MAP4K2: variants seen among roughly 807,000 people sequenced by gnomAD.
MAP4K2 encodes the protein mitogen-activated protein kinase kinase kinase kinase 2.
Under a neutral mutation model 125.3 loss-of-function variants are expected in MAP4K2, and 85 were observed. The ratio of observed to expected loss-of-function variants is 0.68; its 90% CI spans 0.57 to 0.81. MAP4K2 has a LOEUF of 0.81. MAP4K2 is among the 40% of genes least tolerant of loss of function. MAP4K2 has a pLI of 0.00. For missense variants in MAP4K2, 923 were observed against 1,056.4 expected (o/e 0.87, Z 1.75); for synonymous variants, 479 against 445.1 (o/e 1.08, Z -0.96).
chr11:64,786,832 A>G lies in MAP4K2; in HGVS notation c.*2705T>C, dbSNP rs569475476. On this transcript the variant is annotated 3_prime_UTR_variant, in exon 32 of 32. Transcript: ENST00000294066. ...GTAAAAACAACTCAAATTTCCACCA[A>G]TAGGGATCTCACTGCAGGTCATTAA... 1.3e-5 allele frequency: 2 copies of G among 152,148 alleles called. No individual in the cohort carries two copies. The highest frequency in any genetic ancestry group is 3.9e-4 in the East Asian group (2 of 5,184). The allele number at this position is 152,148 out of a possible 1,614,324, so 9.4% of individuals were successfully genotyped here. A position where few individuals can be genotyped will look rare whatever the true frequency, so the allele number is the denominator to read the frequency against.
chr11:64,795,620 T>C (rs1443579447), intron 24 of MAP4K2, among the ~76,000 whole-genome samples: 1 of 152,146 alleles, frequency 6.6e-6, no homozygotes, highest in African/African-American at 2.4e-5. Context: ...GCCAGGATAG[T>C]CTCCATCTCC....
chr11:64,787,338 A>T lies in MAP4K2; in HGVS notation c.*2199T>A, dbSNP rs1013001445. 2.6e-5 allele frequency: 4 copies of T among 152,020 alleles called. No individual in the cohort carries two copies. Among genetic ancestry groups the T allele is most frequent in the African/African-American group, 9.7e-5 (4 of 41,392 alleles). 9.4% of individuals were successfully genotyped at this position (152,020 alleles called of 1,614,324 possible). A position where few individuals can be genotyped will look rare whatever the true frequency, so the allele number is the denominator to read the frequency against. ...GCCACCACACCTGGCCCCCCAGGATATATTTTTAAAGGGCAAGGTCAGTAC... is the reference window on the plus strand; with the variant it reads ...GCCACCACACCTGGCCCCCCAGGATTTATTTTTAAAGGGCAAGGTCAGTAC... On this transcript the variant is annotated 3_prime_UTR_variant, in exon 32 of 32. Transcript: ENST00000294066.
rs1354724275 is a variant in MAP4K2, at chr11:64,789,362, C to T, written c.*175G>A. 1.3e-5 allele frequency: 8 copies of T among 618,810 alleles called. No individual in the cohort carries two copies. The highest frequency in any genetic ancestry group is 4.3e-4 in the Middle Eastern group (1 of 2,332). 38.3% of individuals were successfully genotyped at this position (618,810 alleles called of 1,614,324 possible). On this transcript the variant is annotated 3_prime_UTR_variant, in exon 32 of 32. Coordinates refer to ENST00000294066, the MANE Select transcript of MAP4K2 (RefSeq NM_004579.5). ...CCTGGTCCAGTTATTGCAGAGGCGTCGGGGGCTCCCCTCCCTCCCCAGGCC... is the reference window on the plus strand; with the variant it reads ...CCTGGTCCAGTTATTGCAGAGGCGTTGGGGGCTCCCCTCCCTCCCCAGGCC...
Position 64,786,532 on chromosome 11 carries a change from G to A in MAP4K2, c.*3005C>T, listed in dbSNP as rs757139009. On this transcript the variant is annotated 3_prime_UTR_variant, in exon 32 of 32. Transcript: ENST00000294066. ...TGCTCCCCTTGACTTTCACCAGGAT[G>A]ACTCCGGGTATGGGCCAGTTACCTG... 7 of 152,228 alleles carry A rather than the reference G, an allele frequency of 4.6e-5. No homozygotes were observed. Among genetic ancestry groups the A allele is most frequent in the Non-Finnish European group, 1.0e-4 (7 of 68,058 alleles). 9.4% of individuals were successfully genotyped at this position (152,228 alleles called of 1,614,324 possible). A position where few individuals can be genotyped will look rare whatever the true frequency, so the allele number is the denominator to read the frequency against.
Position 64,796,399 on chromosome 11 carries a change from A to G in MAP4K2, c.1634-9T>C, listed in dbSNP as rs775701076. ...GATGTGCGTGGATTTCCCTGCAGAA[A>G]CAGGAAGAGGCCAGGCCTGGGGTGT... is the stretch of plus-strand genomic sequence containing the variant. On this transcript the variant is annotated splice_polypyrimidine_tract_variant and intron_variant, in intron 23 of 31. Transcript: ENST00000294066. 6.2e-7 allele frequency: 1 copy of G among 1,611,634 alleles called. No homozygotes were observed. The highest frequency in any genetic ancestry group is 1.7e-5 in the Admixed American group (1 of 59,816).
At chr11:64,800,576 T>C (rs1016538034) in intron 10 of MAP4K2, among the ~76,000 whole-genome samples, 184 bp from the exon 11 acceptor site, 1 of 152,170 alleles carries the variant, frequency 6.6e-6, no homozygotes, top group Non-Finnish European at 1.5e-5. Context: ...CCACCAACCC[T>C]CTGCCCTTCT....
chr11:64,796,957 T>C (rs377743167), intron 20 of MAP4K2, 25 bp downstream of exon 20: 4 of 1,613,712 alleles, frequency 2.5e-6, no homozygotes, highest in East Asian at 2.2e-5. Context: ...GCTGTGGGAC[T>C]GCAGGGCTTG....
chr11:64,800,264 C>T (rs754567633), intron 11 of MAP4K2, 47 bp downstream of exon 11: 26 of 1,612,364 alleles, frequency 1.6e-5, no homozygotes, highest in Non-Finnish European at 2.1e-5. Flanking sequence ...TGATCCAGGG[C>T]CCTGCTTTTG....
intron 12 of MAP4K2, 88 bp downstream of exon 12, chr11:64,800,021 G>A (rs917524674): frequency 1.2e-5 from 13 of 1,095,174 alleles, no homozygotes; most frequent in Non-Finnish European, 1.8e-5. Context: ...CTGGAATGGT[G>A]CCAGTTAAAG....
At position 64,800,964 on chromosome 11, in the gene MAP4K2, G is replaced by C; in HGVS notation, c.598C>G (p.Leu200Val). ...CCCAGCTCAATGGCAGTGATGCCCA[G>C]GGCCCAGACGTCACATAGCTCATTG... ...GYNELCDVWA[L>V]GITAIELGEL... The change falls in exon 9 of 32, where the codon CTG (leucine) becomes GTG (valine). Residue 200 changes from leucine (L) to valine (V), a missense_variant. This residue lies in a region of MAP4K2 where 833 missense variants were observed against 911.4 expected (regional missense o/e 0.91). Transcript: ENST00000294066. 6.2e-7 allele frequency: 1 copy of C among 1,614,046 alleles called. No homozygotes were observed. The highest frequency in any genetic ancestry group is 8.5e-7 in the Non-Finnish European group (1 of 1,180,014).
Position 64,797,387 on chromosome 11 carries a change from G to T in MAP4K2, c.1171-7C>A. On this transcript the variant is annotated splice_polypyrimidine_tract_variant and splice_region_variant and intron_variant, in intron 17 of 31. Transcript: ENST00000294066. ...CGTCTGGGGAGTCCAGCTCCTGGTA[G>T]GAGGGGCAGGGCCCAGCCCGGCCGT... 6.4e-7 allele frequency: 1 copy of T among 1,574,464 alleles called. No homozygotes were observed. Among genetic ancestry groups the T allele is most frequent in the Non-Finnish European group, 8.6e-7 (1 of 1,159,630 alleles).
intron 7 of MAP4K2, 32 bp from the exon 8 acceptor site, chr11:64,801,215 C>T (rs1394120889): frequency 6.2e-7 from 1 of 1,604,474 alleles, no homozygotes; most frequent in South Asian, 1.1e-5. Context: ...CTCACCAGCC[C>T]TCTGGCTGCC....
chr11:64,791,609 C>T (rs1940479801), intron 27 of MAP4K2, among the ~76,000 whole-genome samples: 1 of 152,172 alleles, frequency 6.6e-6, no homozygotes, highest in South Asian at 2.1e-4. Flanking sequence ...GAGCTCAAGC[C>T]CCTCTCTCTC....
In MAP4K2 at chr11:64,792,319, G is replaced by GC. The variant is rs145440016; in HGVS notation, c.1810+44dup. ...GTGGGCACCGGGCTGGGCCTGCGCT[G>GC]CCCCCCACCAGGCCCCGCCCCACCC... On this transcript the variant is annotated intron_variant, in intron 25 of 31. Coordinates refer to ENST00000294066, the MANE Select transcript of MAP4K2 (RefSeq NM_004579.5). 0.017 allele frequency: 26,348 copies of GC among 1,578,302 alleles called. 1,524 individuals are homozygous for GC. In the African/African-American group the frequency reaches 0.19, roughly 11 times the overall value.
intron 27 of MAP4K2, 85 bp downstream of exon 27, chr11:64,791,824 T>C (rs1940493789): frequency 9.4e-6 from 13 of 1,389,312 alleles, no homozygotes; most frequent in South Asian, 1.5e-5. Flanking sequence ...GGAGCCTAGT[T>C]TGGGAGCCTT....
At chr11:64,792,475 C>T (rs778452310) in intron 24 of MAP4K2, 53 bp from the exon 25 acceptor site, 29 of 1,479,822 alleles carry the variant, frequency 2.0e-5, no homozygotes, top group Non-Finnish European at 2.6e-5. Flanking sequence ...ATGGGCAAGG[C>T]CCCTGCAGAG....
At chr11:64,802,813 C>A (rs1941304220) in intron 2 of MAP4K2, 72 bp downstream of exon 2, 1 of 1,529,442 alleles carries the variant, frequency 6.5e-7, no homozygotes, top group Non-Finnish European at 8.9e-7. Flanking sequence ...AAACGTCAAC[C>A]CTCCGCCCGC....
At position 64,799,645 on chromosome 11, in the gene MAP4K2, C is replaced by T; in HGVS notation, c.954G>A (p.Gly318=). The T allele has an allele frequency of 6.2e-7, 1 of 1,613,916 alleles. No homozygotes were observed. The change falls in exon 13 of 32, where the codon GGG becomes GGA. Residue 318 remains glycine, a synonymous_variant. Coordinates refer to ENST00000294066, the MANE Select transcript of MAP4K2 (RefSeq NM_004579.5). ...GGGTCCTCTCGGCTGGGCCGTGCTG[C>T]CCCCGGGAGTGAATGGTGTCTGGAA... The part of the protein sequence containing the change: ...DMFPDTIHSR[G]QHGPAERTPS...
Position 64,796,718 on chromosome 11 carries a change from C to A in MAP4K2, c.1493-5G>T. The A allele has an allele frequency of 6.2e-7, 1 of 1,614,034 alleles. No homozygotes were observed. The highest frequency in any genetic ancestry group is 1.6e-4 in the Middle Eastern group (1 of 6,062). On this transcript the variant is annotated splice_region_variant and splice_polypyrimidine_tract_variant and intron_variant, in intron 21 of 31. Transcript: ENST00000294066. ...CCCCTACCACCAGGAACTGGTCTGC[C>A]AGTTTGGGCATGGGGTCAGAGGTCA... is the stretch of plus-strand genomic sequence containing the variant.
Sources: allele counts gnomAD v4.1 joint callset (sites outside exome capture counted in the v4.1 genomes callset), GRCh38; gene constraint gnomAD v4.1.1; regional missense constraint gnomAD v4.1.1; transcripts MANE v1.5; gene names NCBI Gene and HGNC (gene_info 2026-07-23, HGNC 2026-07-21).